Variants in RAB4B observed in about 807,000 individuals in gnomAD.
The protein encoded by RAB4B is ras-related protein Rab-4B.
A neutral mutation model predicts 28.3 loss-of-function variants in RAB4B; 15 were observed. That is an observed-to-expected ratio of 0.53 (90% CI 0.35 to 0.82). RAB4B has a LOEUF of 0.82. RAB4B is among the 40% of genes least tolerant of loss of function. The probability of loss-of-function intolerance (pLI) is 0.01; values close to 1 mark genes in which losing one functional copy is unlikely to be tolerated. For synonymous variants in RAB4B, 108 were observed against 116.3 expected, an observed-to-expected ratio of 0.93 and a Z score of 0.46; for missense variants, 244 against 288.5, an observed-to-expected ratio of 0.85 and a Z score of 1.12.
intron 7 of RAB4B, chr19:40,796,139 A>G (rs994112924): frequency 2.0e-5 from 3 of 152,318 alleles, no homozygotes; most frequent in African/African-American, 7.2e-5. Context: ...AGCTGGGACT[A>G]CTGGTGCATG....
At chr19:40,788,531 A>G (rs1599746373) in intron 7 of RAB4B, among the ~76,000 whole-genome samples, 2 of 149,882 alleles carry the variant, frequency 1.3e-5, no homozygotes, top group Non-Finnish European at 3.0e-5. Flanking sequence ...GAGGGAGGTA[A>G]GAACTATGGG....
chr19:40,778,362 G>A lies in RAB4B; in HGVS notation c.-14G>A, dbSNP rs2083014864. 20 of 1,483,266 alleles carry A rather than the reference G, an allele frequency of 1.3e-5. No homozygotes were observed. The highest frequency in any genetic ancestry group is 1.8e-5 in the Non-Finnish European group (20 of 1,125,186). 91.9% of individuals were successfully genotyped at this position (1,483,266 alleles called of 1,614,324 possible). ...CGGCGCCATATTGCGGCCCTCAGCG[G>A]CCGCGACCGAGTCATGGCTGAGACC... On this transcript the variant is annotated 5_prime_UTR_variant, in exon 1 of 8. Transcript: ENST00000357052.
At chr19:40,783,072 AGGTTGCAGT>A (rs780060889) in intron 3 of RAB4B, among the ~76,000 whole-genome samples, 1 of 124,828 alleles carries the variant, frequency 8.0e-6, no homozygotes, top group Non-Finnish European at 1.6e-5. Context: ...CGGGAGGTGG[AGGTTGCAGT>A]GGTTGCAGTG....
intron 7 of RAB4B, among the ~76,000 whole-genome samples, chr19:40,787,639 G>T (rs2083114280): frequency 6.6e-6 from 1 of 151,700 alleles, no homozygotes; most frequent in Non-Finnish European, 1.5e-5. Flanking sequence ...GCCAGGGTCA[G>T]GGCACAGGCA....
At chr19:40,779,119 G>A (rs930572556) in intron 1 of RAB4B, 3 of 690,306 alleles carry the variant, frequency 4.3e-6, no homozygotes, top group Non-Finnish European at 5.3e-6. Flanking sequence ...TGGAGTGAAT[G>A]AGTCAGAGGG....
chr19:40,783,147 C>CAAAAAAA (rs1168587843), intron 3 of RAB4B, among the ~76,000 whole-genome samples: 517 of 34,748 alleles, frequency 0.015, 1 homozygote, highest in East Asian at 0.025. Flanking sequence ...GATTCCTACT[C>CAAAAAAA]AAAAAAAAAA....
intron 7 of RAB4B, among the ~76,000 whole-genome samples, 162 bp downstream of exon 7, chr19:40,787,140 C>T (rs563446906): frequency 6.9e-4 from 105 of 151,950 alleles, no homozygotes; most frequent in East Asian, 1.7e-3. Context: ...CAGTGGCTCA[C>T]GCCTGTAATC....
intron 7 of RAB4B, among the ~76,000 whole-genome samples, chr19:40,795,982 C>T (rs1213141424): frequency 6.6e-6 from 1 of 152,200 alleles, no homozygotes; most frequent in Non-Finnish European, 1.5e-5. Context: ...GCTGGGATTA[C>T]AGGCATGAGC....
At chr19:40,787,616 CA>C (rs1408650148) in intron 7 of RAB4B, among the ~76,000 whole-genome samples, 1 of 118,990 alleles carries the variant, frequency 8.4e-6, no homozygotes, top group Admixed American at 9.9e-5. Context: ...GGGAGAGGCC[CA>C]GGGGGGTCAG....
intron 7 of RAB4B, among the ~76,000 whole-genome samples, chr19:40,791,763 G>C (rs926512084): frequency 3.3e-5 from 5 of 152,058 alleles, no homozygotes; most frequent in Non-Finnish European, 5.9e-5. Context: ...CTCCTGAGTA[G>C]CTGGGACTAT....
At chr19:40,788,717 G>A (rs1391160853) in intron 7 of RAB4B, among the ~76,000 whole-genome samples, 1 of 150,106 alleles carries the variant, frequency 6.7e-6, no homozygotes. Flanking sequence ...CTCCCGAGTA[G>A]CTGAGATTAC....
chr19:40,788,568 G>A (rs2083125080), intron 7 of RAB4B, among the ~76,000 whole-genome samples: 1 of 149,814 alleles, frequency 6.7e-6, no homozygotes, highest in Non-Finnish European at 1.5e-5. Flanking sequence ...ACAGATGAGT[G>A]GATAGGGTGG....
intron 7 of RAB4B, chr19:40,792,508 C>T (rs1010807854): frequency 6.6e-6 from 1 of 152,196 alleles, no homozygotes; most frequent in African/African-American, 2.4e-5. Flanking sequence ...CAAGGCAAGG[C>T]AAGGCTTTTT....
chr19:40,778,978 G>A (rs1407177118), intron 1 of RAB4B: 2 of 985,726 alleles, frequency 2.0e-6, no homozygotes, highest in African/African-American at 3.5e-5. Context: ...CAGGGGAAGT[G>A]CAGGTTTAGG....
At position 40,784,073 on chromosome 19, in the gene RAB4B, A is replaced by G. The variant is rs761095153; in HGVS notation, c.428A>G (p.Asn143Ser). ...GAGGCCTCCCGCTTTGCCCAGGAGA[A>G]TGGTGAGGGCTGTGTCGTGGACCAG... ...FLEASRFAQE[N>S]ELMFLETSAL... The change falls in exon 5 of 8, where the codon AAT (asparagine) becomes AGT (serine). Residue 143 changes from asparagine (N) to serine (S), a missense_variant and splice_region_variant. Transcript: ENST00000357052. 9.9e-6 allele frequency: 16 copies of G among 1,610,220 alleles called. No homozygotes were observed. The highest frequency in any genetic ancestry group is 1.7e-4 in the Middle Eastern group (1 of 6,050).
At chr19:40,783,869 C>T (rs1359497970) in intron 4 of RAB4B, 29 bp downstream of exon 4, 12 of 1,577,780 alleles carry the variant, frequency 7.6e-6, no homozygotes, top group South Asian at 1.2e-5. Context: ...TGGGGTAGGG[C>T]ATGGGTGGTT....
intron 7 of RAB4B, among the ~76,000 whole-genome samples, chr19:40,795,169 CAAAAAAAAA>C (rs1167818145): frequency 1.7e-5 from 1 of 60,350 alleles, no homozygotes; most frequent in Non-Finnish European, 3.1e-5. Flanking sequence ...GCTCCATCTC[CAAAAAAAAA>C]AAAAAAAAAA....
At chr19:40,791,345 C>G (rs563319233) in intron 7 of RAB4B, among the ~76,000 whole-genome samples, 11 of 152,238 alleles carry the variant, frequency 7.2e-5, no homozygotes, top group Non-Finnish European at 1.3e-4. Context: ...ATATCTGCTC[C>G]TGTCGCTCCC....
intron 7 of RAB4B, chr19:40,794,744 T>C (rs2083192128): frequency 6.6e-6 from 1 of 150,748 alleles, no homozygotes; most frequent in Non-Finnish European, 1.5e-5. Flanking sequence ...TTTTTCTTAA[T>C]TAAAAGATAA....
Sources: gnomAD v4.1 joint callset for allele counts (sites outside exome capture counted in the v4.1 genomes callset) on GRCh38, gnomAD v4.1.1 for gene constraint, MANE v1.5 for transcripts, NCBI Gene and HGNC (gene_info 2026-07-23, HGNC 2026-07-21) for gene names.